Variants in SIMC1 observed in about 807,000 individuals in gnomAD.
The protein encoded by SIMC1 is SUMO-interacting motif-containing protein 1.
A neutral mutation model predicts 82.3 loss-of-function variants in SIMC1; 55 were observed. That is an observed-to-expected ratio of 0.67 (90% CI 0.54 to 0.84). The LOEUF (loss-of-function observed/expected upper bound fraction) is 0.84, where lower values mean the gene tolerates loss of function less well. SIMC1 is among the 40% of genes least tolerant of loss of function. SIMC1 has a pLI of 0.00. For synonymous variants in SIMC1, 353 were observed against 426.3 expected, an observed-to-expected ratio of 0.83 and a Z score of 2.12; for missense variants, 915 against 1,107.2, an observed-to-expected ratio of 0.83 and a Z score of 2.46.
In SIMC1 at chr5:176,252,953, C is replaced by T. The variant is rs116557208; in HGVS notation, c.129+14316C>T. Among the ~76,000 whole-genome samples the T allele has an allele frequency of 6.4e-3, 978 of 152,336 alleles. 9 individuals are homozygous for T. Among genetic ancestry groups the T allele is most frequent in the African/African-American group, 0.022 (922 of 41,566 alleles). On this transcript the variant is annotated intron_variant, in intron 1 of 9. Transcript: ENST00000429602. ...AGGAGCTGGAGACCAGCCTGGCCCA[C>T]GCTGCGAAACCCTGTCTCCACCAAA...
intron 4 of SIMC1, among the ~76,000 whole-genome samples, chr5:176,301,954 C>G (rs1354112770): frequency 2.6e-5 from 4 of 152,248 alleles, no homozygotes; most frequent in East Asian, 1.9e-4. Flanking sequence ...GTTCCAGGAC[C>G]TCCCTTGGAT....
At chr5:176,322,211 T>A in intron 5 of SIMC1, 62 bp from the exon 6 acceptor site, 1 of 1,485,484 alleles carries the variant, frequency 6.7e-7, no homozygotes, top group Non-Finnish European at 9.0e-7. Flanking sequence ...TTTCTTTCTT[T>A]ATTTTTTTTT....
chr5:176,253,364 G>A (rs1394629549), intron 1 of SIMC1, among the ~76,000 whole-genome samples: 1 of 151,988 alleles, frequency 6.6e-6, no homozygotes, highest in Non-Finnish European at 1.5e-5. Flanking sequence ...CTCTTCTAAA[G>A]ATACTCCTCG....
chr5:176,300,918 A>C (rs1457599705), intron 4 of SIMC1, among the ~76,000 whole-genome samples: 2 of 152,230 alleles, frequency 1.3e-5, no homozygotes, highest in African/African-American at 2.4e-5. Flanking sequence ...TCTGAACAGA[A>C]CAATAACTAG....
At chr5:176,339,162 G>A (rs1766025647) in intron 9 of SIMC1, among the ~76,000 whole-genome samples, 1 of 152,054 alleles carries the variant, frequency 6.6e-6, no homozygotes, top group Admixed American at 6.6e-5. Context: ...AGGAGTTCGA[G>A]GCCAGCCTGA....
chr5:176,341,803 G>C (rs1456650197), intron 9 of SIMC1, among the ~76,000 whole-genome samples: 1 of 152,166 alleles, frequency 6.6e-6, no homozygotes, highest in Non-Finnish European at 1.5e-5. Flanking sequence ...CTCTTGTATT[G>C]ATCCAAAACT....
intron 1 of SIMC1, among the ~76,000 whole-genome samples, chr5:176,264,384 A>C (rs1270297225): frequency 6.6e-6 from 1 of 152,210 alleles, no homozygotes; most frequent in Non-Finnish European, 1.5e-5. Context: ...AGACTTTCTG[A>C]TACATCTTCC....
intron 1 of SIMC1, among the ~76,000 whole-genome samples, chr5:176,280,045 T>C (rs1418218361): frequency 1.3e-5 from 2 of 151,910 alleles, no homozygotes; most frequent in Admixed American, 6.6e-5. Flanking sequence ...CTTTCTGTCT[T>C]GTTGATCTGT....
chr5:176,276,502 T>G (rs1215788369), intron 1 of SIMC1, among the ~76,000 whole-genome samples: 2 of 150,874 alleles, frequency 1.3e-5, no homozygotes, highest in East Asian at 1.9e-4. Context: ...ATTGTGCAGG[T>G]TAGTTACATA....
chr5:176,325,517 C>G (rs1473510285), intron 7 of SIMC1, among the ~76,000 whole-genome samples: 1 of 152,058 alleles, frequency 6.6e-6, no homozygotes, highest in East Asian at 1.9e-4. Flanking sequence ...AACCCCGTCT[C>G]TACTAAAAAT....
At chr5:176,285,969 C>G (rs1561693990) in intron 1 of SIMC1, among the ~76,000 whole-genome samples, 1 of 152,176 alleles carries the variant, frequency 6.6e-6, no homozygotes. Context: ...CAAACCACTG[C>G]TCAACGAAAT....
intron 4 of SIMC1, chr5:176,296,627 A>G (rs1406853634): frequency 2.1e-5 from 7 of 337,370 alleles, no homozygotes; most frequent in Non-Finnish European, 3.8e-5. Flanking sequence ...CATGATCACA[A>G]CATTGTACTC....
chr5:176,303,776 A>C (rs1047803669), intron 4 of SIMC1, among the ~76,000 whole-genome samples: 2 of 152,230 alleles, frequency 1.3e-5, no homozygotes, highest in South Asian at 4.1e-4. Flanking sequence ...GTACATGGTC[A>C]AGTGATCTTC....
intron 4 of SIMC1, among the ~76,000 whole-genome samples, chr5:176,303,678 TAAAATATA>T (rs1764142220): frequency 6.6e-6 from 1 of 152,102 alleles, no homozygotes. Context: ...TTCTTGACTG[TAAAATATA>T]AAGCTACAGT....
intron 9 of SIMC1, among the ~76,000 whole-genome samples, chr5:176,342,403 G>A (rs1360564128): frequency 6.6e-6 from 1 of 151,902 alleles, no homozygotes; most frequent in African/African-American, 2.4e-5. Context: ...TAAGTTTCTC[G>A]ATTTATAAAG....
chr5:176,281,983 T>G (rs1484747426), intron 1 of SIMC1, among the ~76,000 whole-genome samples: 1 of 152,174 alleles, frequency 6.6e-6, no homozygotes, highest in East Asian at 1.9e-4. Context: ...GACATTTAAG[T>G]CTGCAGAGGT....
chr5:176,305,667 G>T (rs1764311842), intron 4 of SIMC1, among the ~76,000 whole-genome samples: 1 of 120,442 alleles, frequency 8.3e-6, no homozygotes, highest in Non-Finnish European at 1.8e-5. Context: ...GAAGTGAGGA[G>T]CCCCTCTGCC....
intron 1 of SIMC1, among the ~76,000 whole-genome samples, chr5:176,286,506 A>C (rs543586906): frequency 1.0e-3 from 158 of 152,360 alleles, no homozygotes; most frequent in African/African-American, 3.8e-3. Flanking sequence ...TTAAAGACTT[A>C]AATGTTAGAT....
Position 176,306,382 on chromosome 5 carries a change from C to CT in SIMC1, c.1735-7308dup, listed in dbSNP as rs1388798724. On this transcript the variant is annotated intron_variant, in intron 4 of 9. Coordinates refer to ENST00000429602, the MANE Select transcript of SIMC1 (RefSeq NM_001308195.2). ...CCCTACTGGGAAGTGAGGAGCCCCTCTGCCCGACCACCACCCCGTCTGGGA... is the reference window on the plus strand; with the variant it reads ...CCCTACTGGGAAGTGAGGAGCCCCTCTTGCCCGACCACCACCCCGTCTGGGA... Among the ~76,000 whole-genome samples the CT allele has an allele frequency of 5.5e-5, 7 of 126,210 alleles. 1 individual carries two copies. The highest frequency in any genetic ancestry group is 1.8e-4 in the African/African-American group (7 of 39,670). The allele number at this position is 126,210 out of a possible 152,430, so 82.8% of individuals were successfully genotyped here. A position where few individuals can be genotyped will look rare whatever the true frequency, so the allele number is the denominator to read the frequency against.
Sources: allele counts gnomAD v4.1 joint callset (sites outside exome capture counted in the v4.1 genomes callset), GRCh38; gene constraint gnomAD v4.1.1; transcripts MANE v1.5; gene names NCBI Gene and HGNC (gene_info 2026-07-23, HGNC 2026-07-21).